Variants in VSX2 observed in about 807,000 individuals in gnomAD.
VSX2 encodes the protein visual system homeobox 2.
In VSX2, 28 loss-of-function variants were observed where a neutral mutation model predicts 32.1. The ratio of observed to expected loss-of-function variants is 0.87; its 90% CI spans 0.65 to 1.20. VSX2 has a LOEUF of 1.20. Ranked by LOEUF, VSX2 falls within the 50% of genes most tolerant of loss-of-function variation. VSX2 has a pLI of 0.00. For synonymous variants in VSX2, 243 were observed against 214.1 expected, an observed-to-expected ratio of 1.14 and a Z score of -1.18; for missense variants, 506 against 488.7, an observed-to-expected ratio of 1.04 and a Z score of -0.33.
Position 74,259,682 on chromosome 14 carries a change from G to A in VSX2, c.660G>A (p.Gly220=), listed in dbSNP as rs1302796560. 2 of 1,614,158 alleles carry A rather than the reference G, an allele frequency of 1.2e-6. No individual in the cohort carries two copies. The highest frequency in any genetic ancestry group is 2.2e-5 in the East Asian group (1 of 44,878). ...GGAGCAGTGTCATGGCGGAGTATGG[G>A]CTCTACGGGGCCATGGTGCGGCACT... ...WGRSSVMAEY[G]LYGAMVRHSI... is the part of the protein sequence containing the mutation. Residue 220 remains glycine, a synonymous_variant, in exon 4 of 5, where the codon GGG becomes GGA. Coordinates refer to ENST00000261980, the MANE Select transcript of VSX2 (RefSeq NM_182894.3).
chr14:74,260,029 AT>A (rs757735128), intron 4 of VSX2, among the ~76,000 whole-genome samples: 15 of 152,238 alleles, frequency 9.9e-5, no homozygotes, highest in Non-Finnish European at 1.8e-4. Context: ...ACTGTGGATT[AT>A]TTTGTCCTGT....
intron 3 of VSX2, among the ~76,000 whole-genome samples, chr14:74,257,719 C>CG (rs1401954002): frequency 3.3e-5 from 5 of 150,700 alleles, no homozygotes; most frequent in Non-Finnish European, 5.9e-5. Flanking sequence ...ACCCCCCACC[C>CG]ACTTCCCCCG....
chr14:74,260,875 C>G lies in VSX2; in HGVS notation c.1042C>G (p.Pro348Ala). The G allele has an allele frequency of 1.3e-6, 2 of 1,567,060 alleles. No homozygotes were observed. The highest frequency in any genetic ancestry group is 1.7e-6 in the Non-Finnish European group (2 of 1,156,512). ...GGAGGAGGCCATGGATGAAGACAGG[C>G]CGGCGGAGAGGCTCAGTCCACCGCA... The part of the protein sequence containing the change: ...EEEEAMDEDR[P>A]AERLSPPQLE... Residue 348 changes from proline (P) to alanine (A), a missense_variant, in exon 5 of 5, where the codon CCG becomes GCG. Transcript: ENST00000261980.
At chr14:74,254,170 G>A (rs755749983) in intron 3 of VSX2, among the ~76,000 whole-genome samples, 2 of 151,776 alleles carry the variant, frequency 1.3e-5, no homozygotes, top group African/African-American at 2.4e-5. Flanking sequence ...AGCAATTTGG[G>A]AGGCCAAGGC....
intron 3 of VSX2, 37 bp downstream of exon 3, chr14:74,245,325 C>T (rs371028343): frequency 3.0e-5 from 48 of 1,612,060 alleles, no homozygotes; most frequent in Non-Finnish European, 3.6e-5. Context: ...CCACTCTCCC[C>T]TCTCTCGGTG....
intron 3 of VSX2, among the ~76,000 whole-genome samples, chr14:74,254,698 C>T (rs1272769943): frequency 1.3e-5 from 2 of 152,042 alleles, no homozygotes; most frequent in African/African-American, 4.8e-5. Context: ...CGAAAACTAA[C>T]ACTTATCGGA....
intron 3 of VSX2, 147 bp downstream of exon 3, chr14:74,245,435 T>C: frequency 8.6e-7 from 1 of 1,165,054 alleles, no homozygotes; most frequent in Admixed American, 2.1e-5. Context: ...CTATTTAAGC[T>C]GAACACCTGC....
chr14:74,252,630 C>A (rs969184836), intron 3 of VSX2, among the ~76,000 whole-genome samples: 4 of 151,826 alleles, frequency 2.6e-5, no homozygotes, highest in Non-Finnish European at 5.9e-5. Flanking sequence ...GCCTTGTGAT[C>A]CACCCGACTC....
chr14:74,248,704 C>CAAAA (rs560624333), intron 3 of VSX2, among the ~76,000 whole-genome samples: 1 of 145,524 alleles, frequency 6.9e-6, no homozygotes, highest in African/African-American at 2.5e-5. Context: ...AACAAACGAA[C>CAAAA]AAAAAAAAAA....
chr14:74,239,707 C>T lies in VSX2; in HGVS notation c.146C>T (p.Pro49Leu). ...GLNKEPPSSH[P>L]RAALDGLAPG... ...AACAAGGAGCCCCCGAGCTCCCACC[C>T]GCGGGCAGCGCTCGACGGCCTGGCC... Residue 49 changes from proline to leucine, a missense_variant, in exon 1 of 5, where the codon CCG (proline) becomes CTG (leucine). Physicochemically the swap from Pro to Leu is moderately conservative, Grantham distance 98. Transcript: ENST00000261980. 1.3e-6 allele frequency: 2 copies of T among 1,549,638 alleles called. No homozygotes were observed. Among genetic ancestry groups the T allele is most frequent in the Non-Finnish European group, 1.7e-6 (2 of 1,146,774 alleles).
At chr14:74,246,468 G>T (rs2079192499) in intron 3 of VSX2, among the ~76,000 whole-genome samples, 1 of 152,242 alleles carries the variant, frequency 6.6e-6, no homozygotes, top group Non-Finnish European at 1.5e-5. Flanking sequence ...GATGGTTTTA[G>T]ACATTGACAC....
chr14:74,255,819 G>A lies in VSX2; in HGVS notation c.580-3783G>A, dbSNP rs112699045. Among the ~76,000 whole-genome samples the A allele has an allele frequency of 7.9e-5, 12 of 152,258 alleles. 1 individual carries two copies. Among genetic ancestry groups the A allele is most frequent in the African/African-American group, 2.9e-4 (12 of 41,532 alleles). Reference sequence around the variant, plus strand: ...TCTCCAGAAACCCTAAGTCCAAACTGCACTGAAAACAGAACCCTCTTTTAT... The same window carrying A: ...TCTCCAGAAACCCTAAGTCCAAACTACACTGAAAACAGAACCCTCTTTTAT... On this transcript the variant is annotated intron_variant, in intron 3 of 4. Transcript: ENST00000261980.
chr14:74,254,830 A>AG (rs907224119), intron 3 of VSX2, among the ~76,000 whole-genome samples: 2 of 126,802 alleles, frequency 1.6e-5, no homozygotes, highest in Non-Finnish European at 3.2e-5. Context: ...CCCAGGCTCG[A>AG]GTGCAGTGGC....
chr14:74,257,184 A>G (rs536443823), intron 3 of VSX2, among the ~76,000 whole-genome samples: 179 of 152,346 alleles, frequency 1.2e-3, no homozygotes, highest in African/African-American at 4.1e-3. Context: ...GCATGGAGCC[A>G]GGCCGGGACG....
intron 3 of VSX2, among the ~76,000 whole-genome samples, chr14:74,258,601 C>T (rs2079283200): frequency 6.6e-6 from 1 of 152,138 alleles, no homozygotes; most frequent in East Asian, 1.9e-4. Flanking sequence ...GCACCATTAC[C>T]CCGCGGGCCT....
In VSX2 at chr14:74,260,873, G is replaced by C. The variant is rs929835856; in HGVS notation, c.1040G>C (p.Arg347Thr). The C allele has an allele frequency of 3.2e-6, 5 of 1,567,304 alleles. No individual in the cohort carries two copies. The South Asian group carries it at 5.9e-5, about 18-fold the overall frequency. The part of the protein sequence containing the change: ...PEEEEAMDED[R>T]PAERLSPPQL... ...GAGGAGGAGGCCATGGATGAAGACA[G>C]GCCGGCGGAGAGGCTCAGTCCACCG... Residue 347 changes from arginine to threonine, a missense_variant, in exon 5 of 5, where the codon AGG (arginine) becomes ACG (threonine). By Grantham distance (71) the Arg-to-Thr change is moderately conservative (BLOSUM62 -1). Transcript: ENST00000261980.
chr14:74,259,675 A>G lies in VSX2; in HGVS notation c.653A>G (p.Glu218Gly). The change falls in exon 4 of 5, where the codon GAG (glutamate) becomes GGG (glycine). Residue 218 changes from glutamate to glycine, a missense_variant. By Grantham distance (98) the Glu-to-Gly change is moderately conservative (BLOSUM62 -2). Coordinates refer to ENST00000261980, the MANE Select transcript of VSX2 (RefSeq NM_182894.3). ...TGGGGCCGGAGCAGTGTCATGGCGGAGTATGGGCTCTACGGGGCCATGGTG... is the reference window on the plus strand; with the variant it reads ...TGGGGCCGGAGCAGTGTCATGGCGGGGTATGGGCTCTACGGGGCCATGGTG... Reference protein sequence around the residue: ...KCWGRSSVMAEYGLYGAMVRH... With the variant: ...KCWGRSSVMAGYGLYGAMVRH... 6.2e-7 allele frequency: 1 copy of G among 1,614,140 alleles called. No individual in the cohort carries two copies. The highest frequency in any genetic ancestry group is 1.7e-5 in the Admixed American group (1 of 60,030).
chr14:74,240,033 G>T (rs950540851), intron 1 of VSX2, 102 bp downstream of exon 1: 157 of 1,458,766 alleles, frequency 1.1e-4, no homozygotes, highest in Non-Finnish European at 1.3e-4. Flanking sequence ...AGGCGGAAAA[G>T]TTCCTGCCAG....
intron 2 of VSX2, among the ~76,000 whole-genome samples, chr14:74,242,893 T>C (rs1790100895): frequency 6.6e-6 from 1 of 152,198 alleles, no homozygotes; most frequent in African/African-American, 2.4e-5. Context: ...GACATCTCAC[T>C]GCATGGCACT....
Sources: gnomAD v4.1 joint callset for allele counts (sites outside exome capture counted in the v4.1 genomes callset) on GRCh38, gnomAD v4.1.1 for gene constraint, MANE v1.5 for transcripts, NCBI Gene and HGNC (gene_info 2026-07-23, HGNC 2026-07-21) for gene names.